The following CCDC192 variants were observed in gnomAD, a reference collection of about 807,000 sequenced individuals.
The protein encoded by CCDC192 is coiled-coil domain containing 192.
intron 6 of CCDC192, among the ~76,000 whole-genome samples, chr5:127,925,072 G>T (rs1330431923): frequency 7.5e-6 from 1 of 134,084 alleles, no homozygotes; most frequent in Non-Finnish European, 1.5e-5. Context: ...ATTTTGCTGA[G>T]TATTCCATCT....
At chr5:127,882,869 C>G (rs1459238099) in intron 6 of CCDC192, among the ~76,000 whole-genome samples, 2 of 152,206 alleles carry the variant, frequency 1.3e-5, no homozygotes, top group Admixed American at 6.5e-5. Flanking sequence ...TAATTTCTCC[C>G]AGCCTAGCTC....
intron 3 of CCDC192, among the ~76,000 whole-genome samples, chr5:127,770,207 C>G (rs1474469333): frequency 6.6e-6 from 1 of 152,202 alleles, no homozygotes; most frequent in African/African-American, 2.4e-5. Context: ...ACCTCAGCCT[C>G]CCAGGTAGCT....
intron 3 of CCDC192, chr5:127,785,905 A>G (rs934022621): frequency 2.3e-6 from 1 of 425,986 alleles, no homozygotes; most frequent in African/African-American, 2.1e-5. Context: ...AAATGCAGAC[A>G]TTACCAAGGC....
chr5:127,812,753 C>T (rs1459933767), intron 5 of CCDC192, among the ~76,000 whole-genome samples: 1 of 152,162 alleles, frequency 6.6e-6, no homozygotes, highest in Non-Finnish European at 1.5e-5. Flanking sequence ...AGTAAGAACA[C>T]AGTGATTGCT....
chr5:127,819,295 C>T (rs1749178084), intron 5 of CCDC192, among the ~76,000 whole-genome samples: 1 of 152,188 alleles, frequency 6.6e-6, no homozygotes, highest in Non-Finnish European at 1.5e-5. Context: ...AAAAGAACTT[C>T]AGGGCTTGGG....
rs79026598 is a variant in CCDC192 at position 127,704,563 on chromosome 5, G to T, written c.62+1056G>T. Among the ~76,000 whole-genome samples the T allele has an allele frequency of 2.7e-3, 409 of 152,200 alleles. 5 individuals are homozygous for T. The highest frequency in any genetic ancestry group is 9.4e-3 in the African/African-American group (392 of 41,518). On this transcript the variant is annotated intron_variant, in intron 1 of 6. Coordinates refer to ENST00000514853, the MANE Select transcript of CCDC192 (RefSeq NM_001317938.2). ...TGTTCTTATTTGCTTTTCGTCTTGG[G>T]TCTATGGTCTGTGGATGATATGAGA...
rs570725232 is a variant in CCDC192, at chr5:127,931,879, C to T, written c.536-9303C>T. On this transcript the variant is annotated intron_variant, in intron 6 of 6. Coordinates refer to ENST00000514853, the MANE Select transcript of CCDC192 (RefSeq NM_001317938.2). ...ATCAAAAAAGAAAGTAGGCTGGGCACGGTGGCTCACACCTGTAATCCCAGC... is the reference window on the plus strand; with the variant it reads ...ATCAAAAAAGAAAGTAGGCTGGGCATGGTGGCTCACACCTGTAATCCCAGC... Among the ~76,000 whole-genome samples the T allele has an allele frequency of 1.4e-4, 22 of 152,120 alleles. 1 individual carries two copies. In the East Asian group the frequency reaches 1.6e-3, roughly 11 times the overall value.
At chr5:127,789,719 A>G (rs1264446646) in intron 3 of CCDC192, among the ~76,000 whole-genome samples, 1 of 152,278 alleles carries the variant, frequency 6.6e-6, no homozygotes, top group African/African-American at 2.4e-5. Context: ...CAGACTTCTT[A>G]GAGGCTACAG....
intron 5 of CCDC192, among the ~76,000 whole-genome samples, chr5:127,817,155 C>T (rs938522762): frequency 5.9e-5 from 9 of 152,158 alleles, no homozygotes; most frequent in South Asian, 2.1e-4. Context: ...TGGTGGCTTA[C>T]AGGTACAGTG....
chr5:127,785,727 G>A (rs947525066), intron 3 of CCDC192: 1 of 217,108 alleles, frequency 4.6e-6, no homozygotes, highest in Non-Finnish European at 9.4e-6. Flanking sequence ...GTATCTTCTA[G>A]TTCTGCCTCA....
At chr5:127,927,693 G>A (rs989252358) in intron 6 of CCDC192, among the ~76,000 whole-genome samples, 8 of 152,314 alleles carry the variant, frequency 5.3e-5, no homozygotes, top group African/African-American at 1.9e-4. Context: ...GAGGAGGCAG[G>A]AGGGTCTGTA....
chr5:127,792,394 C>G (rs1341647773), intron 3 of CCDC192, among the ~76,000 whole-genome samples: 1 of 152,038 alleles, frequency 6.6e-6, no homozygotes, highest in African/African-American at 2.4e-5. Context: ...ATCATGAAAA[C>G]AGCAGTGTAG....
intron 6 of CCDC192, among the ~76,000 whole-genome samples, chr5:127,925,278 A>C (rs1292461803): frequency 7.8e-6 from 1 of 128,210 alleles, no homozygotes; most frequent in Non-Finnish European, 1.5e-5. Flanking sequence ...TAAACTAAAA[A>C]ATCTTGTTTG....
chr5:127,746,548 C>A (rs1753753642), intron 2 of CCDC192, among the ~76,000 whole-genome samples: 1 of 151,790 alleles, frequency 6.6e-6, no homozygotes, highest in Admixed American at 6.6e-5. Context: ...CCCATTTCTG[C>A]ATATAATGTC....
rs894901139 is a variant in CCDC192 at position 127,747,093 on chromosome 5, CT to C, written c.115-7169del. Among the ~76,000 whole-genome samples, 276 of 148,330 alleles carry C rather than the reference CT, an allele frequency of 1.9e-3. 1 individual carries two copies. Among genetic ancestry groups the C allele is most frequent in the African/African-American group, 6.6e-3 (264 of 39,872 alleles). On this transcript the variant is annotated intron_variant, in intron 2 of 6. Transcript: ENST00000514853. ...TCTTTTTTTTTTTTATTTCTTGTTT[CT>C]TTTTTATTTATTTATTTTTTTATTG...
intron 6 of CCDC192, among the ~76,000 whole-genome samples, chr5:127,934,122 C>A (rs1363008795): frequency 2.0e-5 from 3 of 152,178 alleles, no homozygotes; most frequent in Non-Finnish European, 4.4e-5. Flanking sequence ...ATCCACTGCT[C>A]TCAGGAGCAC....
chr5:127,812,047 T>G (rs1171711201), intron 5 of CCDC192, among the ~76,000 whole-genome samples: 1 of 152,200 alleles, frequency 6.6e-6, no homozygotes, highest in Non-Finnish European at 1.5e-5. Flanking sequence ...CTGAGTAGAT[T>G]GCTTGATCCT....
intron 6 of CCDC192, among the ~76,000 whole-genome samples, chr5:127,901,907 C>T (rs1316948425): frequency 6.6e-6 from 1 of 152,154 alleles, no homozygotes; most frequent in African/African-American, 2.4e-5. Context: ...AAATAAATCC[C>T]AAGTAAATTG....
intron 6 of CCDC192, among the ~76,000 whole-genome samples, chr5:127,904,812 A>G (rs1753153082): frequency 6.6e-6 from 1 of 152,060 alleles, no homozygotes; most frequent in Non-Finnish European, 1.5e-5. Flanking sequence ...TGGCAGAGAC[A>G]TTTAATGCTC....
Sources: allele counts gnomAD v4.1 joint callset (sites outside exome capture counted in the v4.1 genomes callset), GRCh38; gene constraint gnomAD v4.1.1; transcripts MANE v1.5; gene names NCBI Gene and HGNC (gene_info 2026-07-23, HGNC 2026-07-21).